Variants in SLIT2 observed in about 807,000 individuals in gnomAD.
SLIT2 encodes slit guidance ligand 2, also known as slit homolog 2 protein.
A neutral mutation model predicts 185.7 loss-of-function variants in SLIT2; 41 were observed. The ratio of observed to expected loss-of-function variants is 0.22; its 90% CI spans 0.17 to 0.29. The LOEUF is 0.29. Among genes scored for constraint, SLIT2 ranks in the 10% least tolerant of loss-of-function variants. The probability of loss-of-function intolerance (pLI) is 1.00; values close to 1 mark genes in which losing one functional copy is unlikely to be tolerated. For missense variants in SLIT2, 1,571 were observed against 1,909.0 expected (o/e 0.82, Z 3.30); for synonymous variants, 693 against 680.2 (o/e 1.02, Z -0.29).
rs1010196341 is a variant in SLIT2, at chr4:20,534,046, G to C, written c.1832+331G>C. On this transcript the variant is annotated intron_variant, in intron 18 of 36. Transcript: ENST00000504154. ...ATCAGGAGCGTCCCCCATGGCTTCT[G>C]TCTCTTCTACAAAATAGATCATCCT... Among the ~76,000 whole-genome samples the C allele has an allele frequency of 1.1e-4, 17 of 152,254 alleles. No individual in the cohort carries two copies. In the South Asian group the frequency reaches 1.7e-3, roughly 15 times the overall value.
At chr4:20,287,722 C>A (rs942256638) in intron 4 of SLIT2, among the ~76,000 whole-genome samples, 1 of 152,126 alleles carries the variant, frequency 6.6e-6, no homozygotes, top group Non-Finnish European at 1.5e-5. Context: ...GAGTATATCC[C>A]TATCTCTCTC....
intron 34 of SLIT2, among the ~76,000 whole-genome samples, chr4:20,612,715 A>G (rs1430224064): frequency 6.6e-6 from 1 of 152,158 alleles, no homozygotes; most frequent in African/African-American, 2.4e-5. Context: ...CAGGAGATTG[A>G]GACCATCCTG....
intron 29 of SLIT2, among the ~76,000 whole-genome samples, chr4:20,584,128 A>G (rs565698602): frequency 2.6e-5 from 4 of 152,294 alleles, no homozygotes; most frequent in Non-Finnish European, 4.4e-5. Flanking sequence ...ATTGAAAAAA[A>G]GGGATTTTTT....
Position 20,546,013 on chromosome 4 carries a change from T to C in SLIT2, c.2277-18T>C. ...ACCATTACTTTGTAAGAAGATAATA[T>C]TGTTCCATTGTTTTTAGGTATCTGG... is the stretch of plus-strand genomic sequence containing the variant. On this transcript the variant is annotated intron_variant, in intron 21 of 36. Coordinates refer to ENST00000504154, the MANE Select transcript of SLIT2 (RefSeq NM_004787.4). 1 of 1,408,432 alleles carries C rather than the reference T, an allele frequency of 7.1e-7. No individual in the cohort carries two copies. Among genetic ancestry groups the C allele is most frequent in the South Asian group, 1.2e-5 (1 of 81,080 alleles). The allele number at this position is 1,408,432 out of a possible 1,614,324, so 87.2% of individuals were successfully genotyped here. A position where few individuals can be genotyped will look rare whatever the true frequency, so the allele number is the denominator to read the frequency against.
At chr4:20,523,709 G>A (rs929442988) in intron 12 of SLIT2, 51 bp from the exon 13 acceptor site, 4 of 1,525,864 alleles carry the variant, frequency 2.6e-6, no homozygotes, top group Admixed American at 3.4e-5. Flanking sequence ...AATCTTGCAG[G>A]TGAGTTAATA....
intron 4 of SLIT2, among the ~76,000 whole-genome samples, chr4:20,322,325 A>T (rs1719166056): frequency 6.6e-6 from 1 of 152,202 alleles, no homozygotes. Context: ...GACATCAGTC[A>T]ACACATGTAA....
chr4:20,323,146 A>G (rs1209036422), intron 4 of SLIT2, among the ~76,000 whole-genome samples: 1 of 152,156 alleles, frequency 6.6e-6, no homozygotes, highest in Non-Finnish European at 1.5e-5. Flanking sequence ...GGAATCTCCT[A>G]TCTAGGCAAA....
At chr4:20,360,027 GA>G (rs1722618513) in intron 4 of SLIT2, among the ~76,000 whole-genome samples, 1 of 152,048 alleles carries the variant, frequency 6.6e-6, no homozygotes, top group Non-Finnish European at 1.5e-5. Flanking sequence ...ACCTAGGTAG[GA>G]AAATGAAAAT....
intron 26 of SLIT2, among the ~76,000 whole-genome samples, chr4:20,565,844 G>A (rs1335496529): frequency 1.3e-5 from 2 of 152,014 alleles, no homozygotes; most frequent in Non-Finnish European, 2.9e-5. Context: ...CATTTCAAGA[G>A]TTTTTTAATC....
At chr4:20,372,403 G>T (rs1212958626) in intron 4 of SLIT2, among the ~76,000 whole-genome samples, 3 of 151,706 alleles carry the variant, frequency 2.0e-5, no homozygotes, top group Non-Finnish European at 2.9e-5. Flanking sequence ...GTGAGGAAAA[G>T]AAACCCAAAG....
intron 26 of SLIT2, among the ~76,000 whole-genome samples, chr4:20,560,109 A>G (rs1409723552): frequency 6.6e-6 from 1 of 151,952 alleles, no homozygotes. Context: ...ACATATTTTA[A>G]CTTAACTTTC....
At chr4:20,394,988 G>C (rs1725768839) in intron 4 of SLIT2, 1 of 151,914 alleles carries the variant, frequency 6.6e-6, no homozygotes, top group Non-Finnish European at 1.5e-5. Context: ...TTTTTGGACA[G>C]TAAGCCGTGA....
At chr4:20,271,951 C>A (rs930416761) in intron 4 of SLIT2, among the ~76,000 whole-genome samples, 3 of 152,032 alleles carry the variant, frequency 2.0e-5, no homozygotes, top group Admixed American at 6.6e-5. Flanking sequence ...TATGATTCGA[C>A]ACACTTGGTT....
intron 4 of SLIT2, among the ~76,000 whole-genome samples, chr4:20,323,259 T>G (rs1214710018): frequency 6.6e-6 from 1 of 152,202 alleles, no homozygotes; most frequent in Admixed American, 6.5e-5. Context: ...TCTGATATCT[T>G]GCTTTCCAGG....
At chr4:20,590,637 T>C (rs1458519180) in intron 30 of SLIT2, among the ~76,000 whole-genome samples, 1 of 152,120 alleles carries the variant, frequency 6.6e-6, no homozygotes, top group African/African-American at 2.4e-5. Flanking sequence ...ACACAGAACT[T>C]CAAAAAACAC....
intron 4 of SLIT2, among the ~76,000 whole-genome samples, chr4:20,307,961 A>G (rs572564585): frequency 6.6e-6 from 1 of 152,276 alleles, no homozygotes; most frequent in South Asian, 2.1e-4. Context: ...TTGCTTTAGG[A>G]ACTGCTGATT....
chr4:20,617,569 C>T lies in SLIT2; in HGVS notation c.4267C>T (p.His1423Tyr), dbSNP rs200768792. Residue 1423 changes from histidine (H) to tyrosine (Y), a missense_variant, in exon 36 of 37, where the codon CAT becomes TAT. Transcript: ENST00000504154. ...FNPCQAIKCK[H>Y]GKCRLSGLGQ... is the part of the protein sequence containing the mutation. ...CCCATGCCAGGCGATCAAGTGCAAG[C>T]ATGGGAAGTGCAGGCTTTCAGGTCT... 1.2e-6 allele frequency: 2 copies of T among 1,613,856 alleles called. No homozygotes were observed. The highest frequency in any genetic ancestry group is 3.3e-5 in the Admixed American group (2 of 60,016).
At chr4:20,499,243 TGTTGA>T (rs1451192572) in intron 9 of SLIT2, among the ~76,000 whole-genome samples, 1 of 152,226 alleles carries the variant, frequency 6.6e-6, no homozygotes, top group African/African-American at 2.4e-5. Flanking sequence ...TATTTTTTCT[TGTTGA>T]GTTGTTAGAG....
chr4:20,519,128 A>G (rs1042963444), intron 11 of SLIT2, among the ~76,000 whole-genome samples: 1 of 152,180 alleles, frequency 6.6e-6, no homozygotes, highest in Admixed American at 6.6e-5. Flanking sequence ...TGAAACGGCA[A>G]TGCAAGTGGA....
Sources: gnomAD v4.1 joint callset for allele counts (sites outside exome capture counted in the v4.1 genomes callset) on GRCh38, gnomAD v4.1.1 for gene constraint, MANE v1.5 for transcripts, NCBI Gene and HGNC (gene_info 2026-07-23, HGNC 2026-07-21) for gene names.